Variants in DPYD observed in about 807,000 individuals in gnomAD.
The protein encoded by DPYD is dihydropyrimidine dehydrogenase.
In DPYD, 109 loss-of-function variants were observed where a neutral mutation model predicts 116.2. The observed-to-expected ratio is 0.94, with a 90% CI of 0.80 to 1.10. DPYD has a LOEUF of 1.10. Ranked by LOEUF, DPYD falls within the 50% of genes least tolerant of loss-of-function variation. DPYD has a pLI of 0.00. For missense variants in DPYD, 1,302 were observed against 1,254.5 expected, an observed-to-expected ratio of 1.04 and a Z score of -0.57; for synonymous variants, 440 against 432.0, an observed-to-expected ratio of 1.02 and a Z score of -0.23.
At position 97,763,743 on chromosome 1, in the gene DPYD, GATT is replaced by G. The variant is rs1665704093; in HGVS notation, c.234-23267_234-23265del. On this transcript the variant is annotated intron_variant, in intron 3 of 22. Coordinates refer to ENST00000370192, the MANE Select transcript of DPYD (RefSeq NM_000110.4). ...TTAAATTATTGTGATTTATTAATTT[GATT>G]ATTTTTGATTTATGTTAGGGTATTT... 4.6e-5 allele frequency among the ~76,000 whole-genome samples: 7 copies of G among 151,924 alleles called. 1 individual carries two copies. The South Asian group carries it at 1.5e-3, about 32-fold the overall frequency.
At chr1:97,521,158 T>G (rs1648628649) in intron 12 of DPYD, among the ~76,000 whole-genome samples, 1 of 152,182 alleles carries the variant, frequency 6.6e-6, no homozygotes, top group Non-Finnish European at 1.5e-5. Flanking sequence ...ACTTTTAAGT[T>G]ATCGCCATGC....
chr1:97,550,284 G>C (rs985066266), intron 11 of DPYD, among the ~76,000 whole-genome samples: 1 of 151,766 alleles, frequency 6.6e-6, no homozygotes, highest in African/African-American at 2.4e-5. Context: ...CAATTTAATG[G>C]ATCTAGTATA....
chr1:97,365,978 AAAC>A (rs1000749770), intron 16 of DPYD, among the ~76,000 whole-genome samples: 10 of 152,178 alleles, frequency 6.6e-5, no homozygotes, highest in African/African-American at 1.9e-4. Flanking sequence ...GGCTACACAA[AAAC>A]AACAATATTT....
intron 18 of DPYD, among the ~76,000 whole-genome samples, chr1:97,294,491 C>T (rs1376304656): frequency 2.0e-5 from 3 of 152,068 alleles, no homozygotes; most frequent in South Asian, 2.1e-4. Context: ...ACTTACTAGG[C>T]TTTTGCAAGC....
chr1:97,331,521 T>G (rs1669002408), intron 16 of DPYD, among the ~76,000 whole-genome samples: 1 of 152,098 alleles, frequency 6.6e-6, no homozygotes, highest in African/African-American at 2.4e-5. Context: ...TTGGTATATT[T>G]TATACGAGTC....
chr1:97,331,404 G>C (rs1668991373), intron 16 of DPYD, among the ~76,000 whole-genome samples: 1 of 152,124 alleles, frequency 6.6e-6, no homozygotes, highest in African/African-American at 2.4e-5. Flanking sequence ...CTTGAGCCCA[G>C]GAGAGTTCGA....
At chr1:97,414,036 T>C (rs1034000079) in intron 14 of DPYD, among the ~76,000 whole-genome samples, 6 of 152,002 alleles carry the variant, frequency 3.9e-5, no homozygotes, top group African/African-American at 1.5e-4. Context: ...TTCAACCAAC[T>C]GCCCCAGTGA....
chr1:97,789,554 T>G (rs1335416003), intron 3 of DPYD, among the ~76,000 whole-genome samples: 2 of 152,208 alleles, frequency 1.3e-5, no homozygotes, highest in Non-Finnish European at 2.9e-5. Context: ...GCTTTCACCC[T>G]CAGAAAATAA....
chr1:97,328,044 A>G (rs1195334703), intron 16 of DPYD, among the ~76,000 whole-genome samples: 1 of 151,828 alleles, frequency 6.6e-6, no homozygotes, highest in Admixed American at 6.6e-5. Flanking sequence ...TGAAGGAGAT[A>G]TAAGTGGGTA....
At chr1:97,826,967 G>GT (rs1236051481) in intron 3 of DPYD, among the ~76,000 whole-genome samples, 2 of 151,806 alleles carry the variant, frequency 1.3e-5, no homozygotes, top group Non-Finnish European at 2.9e-5. Context: ...ATGTATCTTT[G>GT]TGTAGAAGCT....
chr1:97,452,857 C>T (rs1676494015), intron 13 of DPYD, among the ~76,000 whole-genome samples: 1 of 152,082 alleles, frequency 6.6e-6, no homozygotes, highest in African/African-American at 2.4e-5. Flanking sequence ...ATAGAGCCTG[C>T]AGAACCATAA....
intron 7 of DPYD, among the ~76,000 whole-genome samples, chr1:97,680,983 C>CT (rs1327759298): frequency 3.9e-5 from 6 of 152,090 alleles, no homozygotes. Context: ...AAACAAAGCC[C>CT]TTAAGCTGAG....
chr1:97,161,783 C>T (rs1188750156), intron 20 of DPYD, among the ~76,000 whole-genome samples: 1 of 137,422 alleles, frequency 7.3e-6, no homozygotes. Context: ...CATGTGTTCT[C>T]ATTGTTCAAT....
chr1:97,119,445 G>A (rs1003185213), intron 20 of DPYD, among the ~76,000 whole-genome samples: 5 of 152,154 alleles, frequency 3.3e-5, no homozygotes, highest in Admixed American at 1.3e-4. Flanking sequence ...TGGTGGAGCA[G>A]GTGAGCAGTT....
intron 3 of DPYD, among the ~76,000 whole-genome samples, chr1:97,817,422 T>A (rs1571407895): frequency 1.3e-5 from 2 of 152,196 alleles, no homozygotes; most frequent in South Asian, 4.1e-4. Context: ...GTATTAATTA[T>A]CTTCTAAATG....
chr1:97,364,008 C>A (rs1180902567), intron 16 of DPYD, among the ~76,000 whole-genome samples: 2 of 152,112 alleles, frequency 1.3e-5, no homozygotes, highest in African/African-American at 4.8e-5. Context: ...GACATTATTT[C>A]ATTCTTTTTA....
At chr1:97,080,423 A>G (rs1245745377) in intron 22 of DPYD, among the ~76,000 whole-genome samples, 1 of 152,088 alleles carries the variant, frequency 6.6e-6, no homozygotes, top group African/African-American at 2.4e-5. Context: ...GCATGCAACT[A>G]TATTTTTTCT....
chr1:97,120,991 A>G (rs1652385382), intron 20 of DPYD, among the ~76,000 whole-genome samples: 1 of 152,196 alleles, frequency 6.6e-6, no homozygotes. Flanking sequence ...GTAATAAATA[A>G]CACTGTGTTT....
At chr1:97,886,471 T>C (rs1311436349) in intron 1 of DPYD, among the ~76,000 whole-genome samples, 2 of 152,058 alleles carry the variant, frequency 1.3e-5, no homozygotes, top group African/African-American at 4.8e-5. Flanking sequence ...TGATTATCCT[T>C]GCCTCACCTC....
Sources: gnomAD v4.1 joint callset for allele counts (sites outside exome capture counted in the v4.1 genomes callset) on GRCh38, gnomAD v4.1.1 for gene constraint, MANE v1.5 for transcripts, NCBI Gene and HGNC (gene_info 2026-07-23, HGNC 2026-07-21) for gene names.